Variants in ACOXL observed in about 807,000 individuals in gnomAD.
The protein encoded by ACOXL is acyl-CoA oxidase like.
A neutral mutation model predicts 71.9 loss-of-function variants in ACOXL; 70 were observed. The observed-to-expected ratio is 0.97, with a 90% confidence interval of 0.80 to 1.19. The LOEUF (loss-of-function observed/expected upper bound fraction) is 1.19, where lower values mean the gene tolerates loss of function less well. ACOXL is among the 50% of genes most tolerant of loss of function. The pLI, the probability that ACOXL is intolerant of heterozygous loss-of-function variation, is 0.00. For missense variants in ACOXL, 703 were observed against 736.3 expected, an observed-to-expected ratio of 0.95 and a Z score of 0.52; for synonymous variants, 253 against 281.6, an observed-to-expected ratio of 0.90 and a Z score of 1.02.
chr2:111,072,324 T>C (rs1475341938), intron 16 of ACOXL, among the ~76,000 whole-genome samples: 2 of 152,230 alleles, frequency 1.3e-5, no homozygotes, highest in African/African-American at 2.4e-5. Flanking sequence ...AAATTCCATA[T>C]AAATGTAATC....
chr2:110,997,418 A>C (rs1009667356), intron 14 of ACOXL, among the ~76,000 whole-genome samples: 1 of 152,210 alleles, frequency 6.6e-6, no homozygotes, highest in Non-Finnish European at 1.5e-5. Context: ...GCAACAAGAC[A>C]GAAAATAATA....
At chr2:110,914,337 CT>C (rs1409447286) in intron 11 of ACOXL, among the ~76,000 whole-genome samples, 3 of 152,102 alleles carry the variant, frequency 2.0e-5, no homozygotes, top group African/African-American at 7.2e-5. Flanking sequence ...AGTATTGCAT[CT>C]TTCAGATTAA....
At chr2:110,903,490 G>A (rs1336348408) in intron 10 of ACOXL, among the ~76,000 whole-genome samples, 1 of 152,186 alleles carries the variant, frequency 6.6e-6, no homozygotes, top group Non-Finnish European at 1.5e-5. Flanking sequence ...CATGGATATC[G>A]CTGTGCGCAC....
chr2:111,079,872 CA>C (rs5833385), intron 16 of ACOXL, among the ~76,000 whole-genome samples: 2,837 of 129,054 alleles, frequency 0.022, 74 homozygotes, highest in African/African-American at 0.064. Flanking sequence ...TGTGAAAGGC[CA>C]AAAAAAAAAA....
chr2:111,072,520 T>G (rs1480577774), intron 16 of ACOXL, among the ~76,000 whole-genome samples: 1 of 152,256 alleles, frequency 6.6e-6, no homozygotes, highest in Non-Finnish European at 1.5e-5. Flanking sequence ...GTCCAGTTTT[T>G]GACAATTGTG....
In ACOXL at chr2:110,850,753, C is replaced by T. The variant is rs1019848389; in HGVS notation, c.788+9348C>T. Among the ~76,000 whole-genome samples, 4 of 152,278 alleles carry T rather than the reference C, an allele frequency of 2.6e-5. No individual in the cohort carries two copies. In the South Asian group the frequency reaches 8.3e-4, roughly 32 times the overall value. On this transcript the variant is annotated intron_variant, in intron 10 of 17. Transcript: ENST00000439055. ...ATGGTACGGCCACTTTGGAAAAACA[C>T]TTTGGAAGTTTCTTATGATGTTAAA...
intron 13 of ACOXL, among the ~76,000 whole-genome samples, chr2:110,987,685 A>G (rs1203514279): frequency 1.3e-5 from 2 of 152,204 alleles, no homozygotes; most frequent in East Asian, 1.9e-4. Context: ...AGCATAATAT[A>G]TGTAACATTT....
rs182224475 is a variant in ACOXL at position 110,910,159 on chromosome 2, C to T, written c.905+1254C>T. On this transcript the variant is annotated intron_variant, in intron 11 of 17. Coordinates refer to ENST00000439055, the MANE Select transcript of ACOXL (RefSeq NM_001142807.4). The stretch of plus-strand genomic sequence containing the variant: ...GCAGTTGACCCTCACCTCTCCACCA[C>T]AGCAGAGCCAGTTTTCTGATTTCTA... Among the ~76,000 whole-genome samples, 181 of 152,304 alleles carry T rather than the reference C, an allele frequency of 1.2e-3. 2 individuals carry two copies. The highest frequency in any genetic ancestry group is 4.2e-3 in the African/African-American group (176 of 41,558).
At chr2:110,947,483 G>A (rs1223185010) in intron 12 of ACOXL, among the ~76,000 whole-genome samples, 2 of 152,092 alleles carry the variant, frequency 1.3e-5, no homozygotes, top group Admixed American at 1.3e-4. Flanking sequence ...TTACCACTGG[G>A]AGCCTCAGTT....
At chr2:110,796,976 ATCT>A (rs1232563751) in intron 5 of ACOXL, among the ~76,000 whole-genome samples, 2 of 152,234 alleles carry the variant, frequency 1.3e-5, no homozygotes, top group Non-Finnish European at 2.9e-5. Context: ...GTTCAGTCAC[ATCT>A]TCAATACTGT....
intron 12 of ACOXL, among the ~76,000 whole-genome samples, chr2:110,967,448 G>A (rs965477514): frequency 9.9e-5 from 15 of 152,146 alleles, no homozygotes; most frequent in Non-Finnish European, 1.8e-4. Context: ...GAAGTGTGTT[G>A]CTCAATATAC....
At chr2:111,038,297 C>T (rs2065619439) in intron 15 of ACOXL, among the ~76,000 whole-genome samples, 1 of 152,238 alleles carries the variant, frequency 6.6e-6, no homozygotes, top group African/African-American at 2.4e-5. Flanking sequence ...TGTTGCAGGG[C>T]TCCCAGTGCT....
intron 12 of ACOXL, among the ~76,000 whole-genome samples, chr2:110,950,025 TTTTTTA>T (rs1299697757): frequency 2.6e-5 from 4 of 152,046 alleles, no homozygotes; most frequent in African/African-American, 7.2e-5. Context: ...CCTCTGTCTT[TTTTTTA>T]TTTTTATTTT....
At chr2:110,863,512 T>G (rs1424972467) in intron 10 of ACOXL, among the ~76,000 whole-genome samples, 2 of 152,166 alleles carry the variant, frequency 1.3e-5, no homozygotes, top group East Asian at 3.8e-4. Context: ...ACAATGAATG[T>G]GCATAGCTTC....
At chr2:111,074,039 G>A (rs1014426828) in intron 16 of ACOXL, among the ~76,000 whole-genome samples, 1 of 152,038 alleles carries the variant, frequency 6.6e-6, no homozygotes, top group African/African-American at 2.4e-5. Context: ...CTTTCTAGTT[G>A]TATGTTGCTA....
At chr2:110,801,604 G>A in intron 7 of ACOXL, 48 bp from the exon 8 acceptor site, 1 of 1,547,144 alleles carries the variant, frequency 6.5e-7, no homozygotes, top group Non-Finnish European at 8.9e-7. Flanking sequence ...AAGTAGCAGG[G>A]AAAATACTTC....
chr2:110,990,334 G>A (rs2063121997), intron 13 of ACOXL, among the ~76,000 whole-genome samples: 3 of 151,956 alleles, frequency 2.0e-5, no homozygotes, highest in South Asian at 2.1e-4. Flanking sequence ...TATGATTTTT[G>A]TAGTTAATGA....
chr2:110,980,344 GA>G (rs1386167547), intron 12 of ACOXL, among the ~76,000 whole-genome samples: 4 of 152,394 alleles, frequency 2.6e-5, no homozygotes, highest in African/African-American at 9.6e-5. Flanking sequence ...ACTGTGGCAT[GA>G]AGTAGCCTGG....
intron 16 of ACOXL, among the ~76,000 whole-genome samples, chr2:111,057,286 A>G (rs1166758551): frequency 1.3e-5 from 2 of 152,158 alleles, no homozygotes; most frequent in Non-Finnish European, 2.9e-5. Context: ...ATGCCTTGAG[A>G]GCTGACTGCC....
Sources: gnomAD v4.1 joint callset for allele counts (sites outside exome capture counted in the v4.1 genomes callset) on GRCh38, gnomAD v4.1.1 for gene constraint, MANE v1.5 for transcripts, NCBI Gene and HGNC (gene_info 2026-07-23, HGNC 2026-07-21) for gene names.